Variants in CELSR1 observed in about 807,000 individuals in gnomAD.
CELSR1 encodes the protein cadherin EGF LAG seven-pass G-type receptor 1, also known as adhesion G protein-coupled receptor C1.
CELSR1 carries 110 observed loss-of-function variants against 249.1 expected under a neutral mutation model. The observed-to-expected ratio is 0.44, with a 90% CI of 0.38 to 0.52. The LOEUF is 0.52. Ranked by LOEUF, CELSR1 falls within the 20% of genes least tolerant of loss-of-function variation. The probability of loss-of-function intolerance (pLI) is 0.00; values close to 1 mark genes in which losing one functional copy is unlikely to be tolerated. For synonymous variants in CELSR1, 2,113 were observed against 1,900.0 expected (o/e 1.11, Z -2.92); for missense variants, 4,109 against 4,296.4 (o/e 0.96, Z 1.22).
rs2080173117 is a variant in CELSR1 at position 46,473,147 on chromosome 22, A to G, written c.3545-8802T>C. On this transcript the variant is annotated intron_variant, in intron 1 of 34. Coordinates refer to ENST00000674500, the MANE Select transcript of CELSR1 (RefSeq NM_001378328.1). The surrounding 1 kb of genome is among the most constrained non-coding windows in gnomAD (Gnocchi z 6.6). ...AGGACGGCGGGGGTGGCTGAAGGAG[A>G]AATGTCCGCAGAGGGGTGGACAGGA... is the stretch of plus-strand genomic sequence containing the variant. 6.6e-6 allele frequency among the ~76,000 whole-genome samples: 1 copy of G among 151,966 alleles called. No homozygotes were observed. Among genetic ancestry groups the G allele is most frequent in the African/African-American group, 2.4e-5 (1 of 41,370 alleles).
intron 1 of CELSR1, among the ~76,000 whole-genome samples, chr22:46,521,353 A>T (rs2080683168): frequency 6.6e-6 from 1 of 152,052 alleles, no homozygotes; most frequent in Admixed American, 6.5e-5. Context: ...AAAATTCAAA[A>T]AATTAGCTGG....
At position 46,390,948 on chromosome 22, in the gene CELSR1, A is replaced by G. The variant is rs991377914; in HGVS notation, c.6250+238T>C. 7.9e-5 allele frequency among the ~76,000 whole-genome samples: 12 copies of G among 152,204 alleles called. No individual in the cohort carries two copies. The highest frequency in any genetic ancestry group is 2.9e-4 in the African/African-American group (12 of 41,438). On this transcript the variant is annotated intron_variant, in intron 16 of 34. Coordinates refer to ENST00000674500, the MANE Select transcript of CELSR1 (RefSeq NM_001378328.1). This position sits in a 1 kb window ranked among gnomAD's most constrained non-coding sequence, Gnocchi z 6.3. Reference sequence around the variant, plus strand: ...CCCCAGCCTGAGCGGCAGAGCAGGGACTGGCCGGGCCTGACTGGCGGGCGT... The same window carrying G: ...CCCCAGCCTGAGCGGCAGAGCAGGGGCTGGCCGGGCCTGACTGGCGGGCGT...
Position 46,390,452 on chromosome 22 carries a change from G to A in CELSR1, c.6285C>T (p.Gly2095=). The change falls in exon 17 of 35, where the codon GGC becomes GGT. Residue 2095 remains glycine (G), a synonymous_variant. Coordinates refer to ENST00000674500, the MANE Select transcript of CELSR1 (RefSeq NM_001378328.1). The surrounding 1 kb of genome is among the most constrained non-coding windows in gnomAD (Gnocchi z 6.3). ...AGTTAAAGAGCTCTGGGGGCAGCCA[G>A]CCCTTCTCCCCGCTGCAGTGTCGGA... ...NAVRHCSGEK[G]WLPPELFNCT... 6.2e-7 allele frequency: 1 copy of A among 1,613,988 alleles called. No homozygotes were observed. Among genetic ancestry groups the A allele is most frequent in the Non-Finnish European group, 8.5e-7 (1 of 1,179,978 alleles).
At position 46,380,264 on chromosome 22, in the gene CELSR1, G is replaced by C. The variant is rs541474134; in HGVS notation, c.7256+524C>G. Among the ~76,000 whole-genome samples the C allele has an allele frequency of 6.6e-6, 1 of 152,306 alleles. No homozygotes were observed. The highest frequency in any genetic ancestry group is 1.9e-4 in the East Asian group (1 of 5,182). ...CGCCACTCTGTGACTCTCTGACGCT[G>C]CTTCTGAAACGGGCCAGATAAACTG... On this transcript the variant is annotated intron_variant, in intron 22 of 34. Coordinates refer to ENST00000674500, the MANE Select transcript of CELSR1 (RefSeq NM_001378328.1). This position sits in a 1 kb window ranked among gnomAD's most constrained non-coding sequence, Gnocchi z 5.1.
In CELSR1 at chr22:46,362,879, T is replaced by C. The variant is rs1181182458; in HGVS notation, c.*344A>G. On this transcript the variant is annotated 3_prime_UTR_variant, in exon 35 of 35. Coordinates refer to ENST00000674500, the MANE Select transcript of CELSR1 (RefSeq NM_001378328.1). Reference sequence around the variant, plus strand: ...CGGCGTTCCTGAACTCTGGCCAGCCTCTGGGCCCAGTCTGGGGTCCCCTCT... The same window carrying C: ...CGGCGTTCCTGAACTCTGGCCAGCCCCTGGGCCCAGTCTGGGGTCCCCTCT... The C allele has an allele frequency of 9.0e-6, 4 of 446,920 alleles. No individual in the cohort carries two copies. The East Asian group carries it at 1.4e-4, about 16-fold the overall frequency. 27.7% of individuals were successfully genotyped at this position (446,920 alleles called of 1,614,324 possible).
Position 46,413,773 on chromosome 22 carries a change from G to C in CELSR1, c.4612-2014C>G, listed in dbSNP as rs552212374. 4.5e-4 allele frequency among the ~76,000 whole-genome samples: 69 copies of C among 152,308 alleles called. No individual in the cohort carries two copies. Among genetic ancestry groups the C allele is most frequent in the Admixed American group, 1.6e-3 (24 of 15,298 alleles). On this transcript the variant is annotated intron_variant, in intron 5 of 34. Transcript: ENST00000674500. The surrounding 1 kb of genome is among the most constrained non-coding windows in gnomAD (Gnocchi z 4.7). ...CATCTGTTTTCTCGCTGTGTAACGC[G>C]GCCCACTTTGGAAAACGCGTGGAAG...
intron 1 of CELSR1, among the ~76,000 whole-genome samples, chr22:46,467,544 C>A (rs978977630): frequency 6.6e-6 from 1 of 151,916 alleles, no homozygotes; most frequent in Non-Finnish European, 1.5e-5. Context: ...TGGAAGGAGC[C>A]GGGCGTGGTG....
In CELSR1 at chr22:46,536,168, C is replaced by T. The variant is rs778287034; in HGVS notation, c.1003G>A (p.Ala335Thr). 23 of 1,612,694 alleles carry T rather than the reference C, an allele frequency of 1.4e-5. No homozygotes were observed. In the South Asian group the frequency reaches 2.3e-4, roughly 16 times the overall value. Residue 335 changes from alanine (A) to threonine (T), a missense_variant, in exon 1 of 35, where the codon GCC becomes ACC. This residue lies in a region of CELSR1 where 673 missense variants were observed against 636.8 expected (regional missense o/e 1.06). Coordinates refer to ENST00000674500, the MANE Select transcript of CELSR1 (RefSeq NM_001378328.1). ...AVDYSTPPRS[A>T]TTYITVLVKD... ...ACCAAGACAGTGATGTAGGTGGTGG[C>T]CGAGCGCGGCGGCGTACTGTAGTCC...
Position 46,384,545 on chromosome 22 carries a change from TTTTCTTCAGG to T in CELSR1, c.6871_6880del (p.Pro2291LysfsTer6). The stretch of plus-strand genomic sequence containing the variant: ...AGCAGGTTTCTAAGCGGTTTTACCT[TTTTCTTCAGG>T]TGGTCTGAAGAAGTCGGCTGGGAAG... On this transcript the variant is annotated frameshift_variant, in exon 20 of 35. Transcript: ENST00000674500. LOFTEE classifies it high-confidence loss of function. 1 of 1,603,714 alleles carries T rather than the reference TTTTCTTCAGG, an allele frequency of 6.2e-7. No individual in the cohort carries two copies. The highest frequency in any genetic ancestry group is 8.5e-7 in the Non-Finnish European group (1 of 1,175,076).
Position 46,408,981 on chromosome 22 carries a change from C to T in CELSR1, c.5226+15G>A, listed in dbSNP as rs200582305. 1.4e-4 allele frequency: 222 copies of T among 1,591,044 alleles called. No individual in the cohort carries two copies. Among genetic ancestry groups the T allele is most frequent in the African/African-American group, 4.4e-4 (33 of 74,190 alleles). ...CCACCTAGCAGGTGCCTTGGTGGCA[C>T]GGGGCCCCAGTCACCTGGAGGCGAA... On this transcript the variant is annotated intron_variant, in intron 9 of 34. Transcript: ENST00000674500. The surrounding 1 kb of genome is among the most constrained non-coding windows in gnomAD (Gnocchi z 4.6).
rs764885674 is a variant in CELSR1 at position 46,401,555 on chromosome 22, C to T, written c.5227-1653G>A. Among the ~76,000 whole-genome samples, 2 of 152,214 alleles carry T rather than the reference C, an allele frequency of 1.3e-5. No homozygotes were observed. The highest frequency in any genetic ancestry group is 2.9e-5 in the Non-Finnish European group (2 of 68,038). On this transcript the variant is annotated intron_variant, in intron 9 of 34. Transcript: ENST00000674500. The surrounding 1 kb of genome is among the most constrained non-coding windows in gnomAD (Gnocchi z 4.7). ...CAGTCAGGTCACGGCTGCCAGGTAC[C>T]TGAAACCCCTGCCCTCCTTGGCACT...
rs116704778 is a variant in CELSR1 at position 46,519,997 on chromosome 22, G to A, written c.3544+13630C>T. On this transcript the variant is annotated intron_variant, in intron 1 of 34. Transcript: ENST00000674500. ...AGTGATTCTCCTGCCTTACCCACCC[G>A]AGTAGGTGGGATTACAGGCACCCGC... is the stretch of plus-strand genomic sequence containing the variant. Among the ~76,000 whole-genome samples, 1,211 of 151,504 alleles carry A rather than the reference G, an allele frequency of 8.0e-3. 17 individuals carry two copies. The highest frequency in any genetic ancestry group is 0.028 in the African/African-American group (1,168 of 41,226).
At position 46,402,056 on chromosome 22, in the gene CELSR1, C is replaced by G. The variant is rs924341372; in HGVS notation, c.5227-2154G>C. ...TGAACCGAGATCACGCCACCGCACT[C>G]CAGCCTGGGCGATGGAGCGAGACTC... On this transcript the variant is annotated intron_variant, in intron 9 of 34. Coordinates refer to ENST00000674500, the MANE Select transcript of CELSR1 (RefSeq NM_001378328.1). The surrounding 1 kb of genome is among the most constrained non-coding windows in gnomAD (Gnocchi z 5.0). Among the ~76,000 whole-genome samples the G allele has an allele frequency of 1.3e-5, 2 of 152,044 alleles. No homozygotes were observed. Among genetic ancestry groups the G allele is most frequent in the South Asian group, 4.1e-4 (2 of 4,820 alleles).
Position 46,377,223 on chromosome 22 carries a change from G to T in CELSR1, c.7422C>A (p.Ala2474=), listed in dbSNP as rs143291524. ...EVLPLKIVTY[A]AVSLSLAALL... is the part of the protein sequence containing the mutation. ...GGGCTGCCAGTGACAAGGACACAGCGGCATAGGTGACAATCTTCAGAGGCA... is the reference window on the plus strand; with the variant it reads ...GGGCTGCCAGTGACAAGGACACAGCTGCATAGGTGACAATCTTCAGAGGCA... The change falls in exon 24 of 35, where the codon GCC becomes GCA. Residue 2474 remains alanine, a synonymous_variant. Transcript: ENST00000674500. 6.2e-7 allele frequency: 1 copy of T among 1,614,020 alleles called. No individual in the cohort carries two copies. Among genetic ancestry groups the T allele is most frequent in the Non-Finnish European group, 8.5e-7 (1 of 1,180,018 alleles).
At position 46,446,151 on chromosome 22, in the gene CELSR1, G is replaced by T. The variant is rs1207205680; in HGVS notation, c.4184-6740C>A. On this transcript the variant is annotated intron_variant, in intron 2 of 34. Transcript: ENST00000674500. The surrounding 1 kb of genome is among the most constrained non-coding windows in gnomAD (Gnocchi z 5.5). ...CCAGCCCCCTCCACACCATACTCAC[G>T]AGCCTGTGCCGGCCCCACTGTCTCC... Among the ~76,000 whole-genome samples the T allele has an allele frequency of 1.3e-5, 2 of 151,982 alleles. No homozygotes were observed. The highest frequency in any genetic ancestry group is 2.9e-5 in the Non-Finnish European group (2 of 67,996).
rs142095871 is a variant in CELSR1, at chr22:46,365,704, G to T, written c.8301-15C>A. On this transcript the variant is annotated splice_polypyrimidine_tract_variant and intron_variant, in intron 30 of 34. Transcript: ENST00000674500. Reference sequence around the variant, plus strand: ...TCCCTTCATCCCTAGAGAGGCCAGGGAGGGTGGGCTCAGTATCATCCGTCA... The same window carrying T: ...TCCCTTCATCCCTAGAGAGGCCAGGTAGGGTGGGCTCAGTATCATCCGTCA... 1.3e-4 allele frequency: 209 copies of T among 1,555,148 alleles called. 2 individuals are homozygous for T. In the East Asian group the frequency reaches 4.9e-3, roughly 37 times the overall value.
chr22:46,508,144 C>T (rs141258695), intron 1 of CELSR1, among the ~76,000 whole-genome samples: 16 of 152,220 alleles, frequency 1.1e-4, no homozygotes, highest in African/African-American at 3.1e-4. Context: ...GCGTAGACCC[C>T]CTCCCCCACG....
At position 46,446,099 on chromosome 22, in the gene CELSR1, C is replaced by A. The variant is rs1455490717; in HGVS notation, c.4184-6688G>T. Among the ~76,000 whole-genome samples, 2 of 152,184 alleles carry A rather than the reference C, an allele frequency of 1.3e-5. No individual in the cohort carries two copies. Among genetic ancestry groups the A allele is most frequent in the Non-Finnish European group, 2.9e-5 (2 of 68,026 alleles). On this transcript the variant is annotated intron_variant, in intron 2 of 34. Coordinates refer to ENST00000674500, the MANE Select transcript of CELSR1 (RefSeq NM_001378328.1). This position sits in a 1 kb window ranked among gnomAD's most constrained non-coding sequence, Gnocchi z 5.5. ...CCATAAAGACCCCAGCCTAAGGGGT[C>A]CCAGGGCCCAGCCCCCAGCCACACA...
In CELSR1 at chr22:46,448,395, A is replaced by G. The variant is rs2079845023; in HGVS notation, c.4184-8984T>C. Among the ~76,000 whole-genome samples, 1 of 152,064 alleles carries G rather than the reference A, an allele frequency of 6.6e-6. No individual in the cohort carries two copies. Among genetic ancestry groups the G allele is most frequent in the African/African-American group, 2.4e-5 (1 of 41,378 alleles). ...CCAGGAGCTAGGAGAAGAGAGATGC[A>G]GGGTCTCAGGGCTCACCTAGAGAGG... On this transcript the variant is annotated intron_variant, in intron 2 of 34. Transcript: ENST00000674500. This position sits in a 1 kb window ranked among gnomAD's most constrained non-coding sequence, Gnocchi z 5.7.
Sources: allele counts gnomAD v4.1 joint callset (sites outside exome capture counted in the v4.1 genomes callset), GRCh38; gene constraint gnomAD v4.1.1; regional missense constraint gnomAD v4.1.1; non-coding constraint Gnocchi (gnomAD v3.1); transcripts MANE v1.5; gene names NCBI Gene and HGNC (gene_info 2026-07-23, HGNC 2026-07-21).